KLF8: variants seen among roughly 807,000 people sequenced by gnomAD.
KLF8 encodes the protein Krueppel-like factor 8.
KLF8 carries 10 observed loss-of-function variants against 18.2 expected under a neutral mutation model. The observed-to-expected ratio is 0.55, with a 90% CI of 0.34 to 0.93. KLF8 has a LOEUF of 0.93. KLF8 is among the 40% of genes least tolerant of loss of function. KLF8 has a pLI of 0.02. For synonymous variants in KLF8, 109 were observed against 97.3 expected (o/e 1.12, Z -0.71); for missense variants, 264 against 277.9 (o/e 0.95, Z 0.36).
the KLF8 span, among the ~76,000 whole-genome samples, chrX:56,062,770 T>C: frequency 9.0e-6 from 1 of 111,329 alleles, no homozygotes; most frequent in Non-Finnish European, 1.9e-5. Flanking sequence ...TCCAACTTGG[T>C]TCCATTCTTT....
chrX:56,158,841 A>G, the KLF8 span, among the ~76,000 whole-genome samples: 1 of 111,733 alleles, frequency 8.9e-6, no homozygotes, highest in African/African-American at 3.3e-5. Context: ...AACAGGGACA[A>G]TTTGACTTCC....
the KLF8 span, among the ~76,000 whole-genome samples, chrX:55,913,642 C>T: frequency 5.4e-5 from 6 of 111,900 alleles, no homozygotes; most frequent in Middle Eastern, 4.6e-3. Flanking sequence ...TGATTTCATA[C>T]TTCTAGCCTC....
the KLF8 span, among the ~76,000 whole-genome samples, chrX:56,196,292 G>A: frequency 1.3e-4 from 14 of 111,512 alleles, no homozygotes; most frequent in African/African-American, 3.9e-4. Flanking sequence ...CTGGCAAATT[G>A]AATAAAGAGT....
At chrX:56,056,832 A>G in the KLF8 span, among the ~76,000 whole-genome samples, 1 of 73,788 alleles carries the variant, frequency 1.4e-5, no homozygotes, top group East Asian at 3.5e-4. Context: ...TTGCAGGTGT[A>G]AAAAAAAAAA....
the KLF8 span, among the ~76,000 whole-genome samples, chrX:56,025,895 C>G: frequency 1.8e-5 from 2 of 112,567 alleles, no homozygotes; most frequent in Non-Finnish European, 3.7e-5. Context: ...TGTCCTACCT[C>G]AGTGACCTGA....
chrX:56,157,940 G>A, the KLF8 span, among the ~76,000 whole-genome samples: 1 of 111,850 alleles, frequency 8.9e-6, no homozygotes. Flanking sequence ...ATTGCTTTTG[G>A]TGTTTTAGAC....
At chrX:56,263,097 A>G in intron 2 of KLF8, among the ~76,000 whole-genome samples, 1 of 112,085 alleles carries the variant, frequency 8.9e-6, no homozygotes, top group Non-Finnish European at 1.9e-5. Context: ...AAATGTAGGA[A>G]AAATAAGAGC....
upstream of KLF8, among the ~76,000 whole-genome samples, chrX:56,228,258 G>A (rs1297716926): frequency 8.9e-6 from 1 of 112,167 alleles, no homozygotes; most frequent in Non-Finnish European, 1.9e-5. Context: ...ATGAATATTA[G>A]TTAACCTTTA....
the KLF8 span, among the ~76,000 whole-genome samples, chrX:56,026,374 G>A: frequency 8.9e-6 from 1 of 112,038 alleles, no homozygotes; most frequent in African/African-American, 3.2e-5. Context: ...GCCTGTAGCT[G>A]TCGCTGCAAT....
At chrX:56,198,372 T>A in the KLF8 span, among the ~76,000 whole-genome samples, 1 of 112,283 alleles carries the variant, frequency 8.9e-6, no homozygotes, top group Non-Finnish European at 1.9e-5. Context: ...CTTTAGCTGA[T>A]AAGCAACTTC....
At chrX:56,089,972 A>G in the KLF8 span, among the ~76,000 whole-genome samples, 2 of 111,841 alleles carry the variant, frequency 1.8e-5, no homozygotes, top group Non-Finnish European at 3.8e-5. Flanking sequence ...CAGAGAAACT[A>G]TTTTGCCAGA....
At chrX:56,144,786 T>C in the KLF8 span, among the ~76,000 whole-genome samples, 1 of 41,274 alleles carries the variant, frequency 2.4e-5, no homozygotes. Flanking sequence ...GAAAAGAAGT[T>C]GGTGTTTGTT....
chrX:56,172,281 G>A, the KLF8 span, among the ~76,000 whole-genome samples: 3 of 110,183 alleles, frequency 2.7e-5, no homozygotes, highest in South Asian at 3.9e-4. Context: ...AACAGGCCCC[G>A]GTATGTGATG....
chrX:56,155,303 A>G, the KLF8 span, among the ~76,000 whole-genome samples: 3 of 111,359 alleles, frequency 2.7e-5, no homozygotes, highest in African/African-American at 6.5e-5. Context: ...ATGTCCTTTA[A>G]AGGGACATGC....
At chrX:56,234,485 C>T (rs938742766) in intron 1 of KLF8, among the ~76,000 whole-genome samples, 1 of 112,314 alleles carries the variant, frequency 8.9e-6, no homozygotes, top group African/African-American at 3.2e-5. Flanking sequence ...TTCTGGACCA[C>T]TGCTGATAAA....
At chrX:56,265,998 C>G in intron 3 of KLF8, 1 of 888,266 alleles carries the variant, frequency 1.1e-6, no homozygotes, top group Non-Finnish European at 1.4e-6. Context: ...CTGGAACTTC[C>G]ACATTATTTG....
the KLF8 span, among the ~76,000 whole-genome samples, chrX:56,169,378 C>G: frequency 4.6e-5 from 5 of 109,682 alleles, no homozygotes; most frequent in African/African-American, 1.6e-4. Context: ...GAGGATAGAG[C>G]GGCAAGTTTG....
At chrX:55,943,085 C>T in the KLF8 span, among the ~76,000 whole-genome samples, 19 of 110,421 alleles carry the variant, frequency 1.7e-4, no homozygotes, top group African/African-American at 3.9e-4. Flanking sequence ...GTGAATACAG[C>T]GGCGAGGGAA....
chrX:56,190,591 T>G, the KLF8 span, among the ~76,000 whole-genome samples: 63 of 111,578 alleles, frequency 5.6e-4, no homozygotes, highest in Admixed American at 5.2e-3. Context: ...CAAACAAGTC[T>G]TAAAACACTC....
Sources: allele counts gnomAD v4.1 joint callset (sites outside exome capture counted in the v4.1 genomes callset), GRCh38; gene constraint gnomAD v4.1.1; transcripts MANE v1.5; gene names NCBI Gene and HGNC (gene_info 2026-07-23, HGNC 2026-07-21).